SV2C: variants seen among roughly 807,000 people sequenced by gnomAD.
The protein encoded by SV2C is solute carrier family 22 member B3.
Under a neutral mutation model 79.7 loss-of-function variants are expected in SV2C, and 49 were observed. That is an observed-to-expected ratio of 0.61 (90% CI 0.49 to 0.78). The LOEUF (loss-of-function observed/expected upper bound fraction) is 0.78, where lower values mean the gene tolerates loss of function less well. Ranked by LOEUF, SV2C falls within the 30% of genes least tolerant of loss-of-function variation. The pLI is 0.00. For synonymous variants in SV2C, 334 were observed against 333.2 expected, an observed-to-expected ratio of 1.00 and a Z score of -0.03; for missense variants, 833 against 912.9, an observed-to-expected ratio of 0.91 and a Z score of 1.13.
chr5:76,269,848 C>G (rs1214346287), intron 4 of SV2C, among the ~76,000 whole-genome samples: 1 of 152,164 alleles, frequency 6.6e-6, no homozygotes, highest in Non-Finnish European at 1.5e-5. Context: ...CTGCATTAGT[C>G]CCAGACTCAG....
At chr5:76,296,122 A>T (rs1561303361) in intron 9 of SV2C, 180 bp downstream of exon 9, 2 of 474,532 alleles carry the variant, frequency 4.2e-6, no homozygotes, top group South Asian at 4.2e-5. Flanking sequence ...GTACAAATGT[A>T]TCCATTACTT....
chr5:76,077,590 T>A, the SV2C span, among the ~76,000 whole-genome samples: 1 of 152,094 alleles, frequency 6.6e-6, no homozygotes, highest in South Asian at 2.1e-4. Flanking sequence ...TCCACAATTT[T>A]GGAAAGGAAA....
At chr5:76,247,503 A>G (rs942651765) in intron 4 of SV2C, among the ~76,000 whole-genome samples, 6 of 152,078 alleles carry the variant, frequency 3.9e-5, no homozygotes, top group African/African-American at 1.2e-4. Flanking sequence ...AGTACAGCTT[A>G]TTTTCTCCTG....
At position 76,285,223 on chromosome 5, in the gene SV2C, C is replaced by T. The variant is rs372039791; in HGVS notation, c.975C>T (p.Val325=). The T allele has an allele frequency of 2.5e-5, 40 of 1,614,086 alleles. No homozygotes were observed. Among genetic ancestry groups the T allele is most frequent in the Non-Finnish European group, 3.0e-5 (35 of 1,180,032 alleles). The change falls in exon 5 of 13, where the codon GTC becomes GTT. Residue 325 remains valine, a synonymous_variant. Transcript: ENST00000502798. ...ACAGTTGGCGTGTGTTTGTCATCGT[C>T]TGTGCACTCCCCTGTGTCTCCTCCG... The part of the protein sequence containing the change: ...QFHSWRVFVI[V]CALPCVSSVV...
chr5:75,941,337 C>T, the SV2C span, among the ~76,000 whole-genome samples: 5 of 152,152 alleles, frequency 3.3e-5, no homozygotes, highest in African/African-American at 1.2e-4. Flanking sequence ...TCTACAACTT[C>T]TAAAACAGAT....
At chr5:76,087,634 G>T (rs762182433) in intron 1 of SV2C, among the ~76,000 whole-genome samples, 1 of 152,196 alleles carries the variant, frequency 6.6e-6, no homozygotes, top group South Asian at 2.1e-4. Context: ...TCCAGAATGT[G>T]CTGTTTATCA....
the SV2C span, among the ~76,000 whole-genome samples, chr5:76,000,502 T>C: frequency 7.1e-4 from 108 of 152,296 alleles, 1 homozygote; most frequent in African/African-American, 2.5e-3. Context: ...GACCCAGGAA[T>C]CTGAATTTTA....
intron 12 of SV2C, among the ~76,000 whole-genome samples, chr5:76,339,338 A>C (rs539518936): frequency 1.1e-4 from 16 of 152,344 alleles, no homozygotes; most frequent in East Asian, 3.9e-4. Context: ...ATATGGCAAC[A>C]GTTTTGTGAT....
At chr5:76,198,881 A>G (rs1744348790) in intron 3 of SV2C, among the ~76,000 whole-genome samples, 1 of 152,188 alleles carries the variant, frequency 6.6e-6, no homozygotes, top group Admixed American at 6.5e-5. Context: ...TTTCATGGAT[A>G]TAGCTGAGCC....
At chr5:75,994,619 G>T in the SV2C span, among the ~76,000 whole-genome samples, 2 of 152,060 alleles carry the variant, frequency 1.3e-5, no homozygotes, top group African/African-American at 4.8e-5. Flanking sequence ...GGAATATTTA[G>T]TATCAATAAA....
At chr5:76,253,351 G>T (rs1746169287) in intron 4 of SV2C, among the ~76,000 whole-genome samples, 1 of 152,058 alleles carries the variant, frequency 6.6e-6, no homozygotes, top group South Asian at 2.1e-4. Context: ...GAGTGCAGTG[G>T]CATGATCTTG....
At chr5:76,278,907 G>A (rs917448203) in intron 4 of SV2C, among the ~76,000 whole-genome samples, 2 of 152,206 alleles carry the variant, frequency 1.3e-5, no homozygotes, top group African/African-American at 4.8e-5. Context: ...AGAGTGACAG[G>A]GAGACCAAAC....
the SV2C span, chr5:75,910,572 G>T: frequency 1.4e-5 from 10 of 691,832 alleles, no homozygotes; most frequent in Non-Finnish European, 2.4e-5. Flanking sequence ...ACCCAGTTCA[G>T]TGAGATTGAG....
At chr5:76,312,413 CAG>C (rs2112546027) in intron 12 of SV2C, among the ~76,000 whole-genome samples, 1 of 152,300 alleles carries the variant, frequency 6.6e-6, no homozygotes, top group East Asian at 1.9e-4. Context: ...CCACCACTCC[CAG>C]CTAATTTTTG....
At chr5:76,255,783 G>A (rs544093171) in intron 4 of SV2C, among the ~76,000 whole-genome samples, 1 of 152,224 alleles carries the variant, frequency 6.6e-6, no homozygotes, top group Admixed American at 6.5e-5. Context: ...TGGGCCACTG[G>A]AGGAGGGACT....
chr5:75,873,793 T>C, the SV2C span, among the ~76,000 whole-genome samples: 1 of 152,008 alleles, frequency 6.6e-6, no homozygotes, highest in Non-Finnish European at 1.5e-5. Flanking sequence ...TGTATGCACA[T>C]AAACTAGAAG....
At chr5:76,156,016 T>A (rs577510365) in intron 2 of SV2C, among the ~76,000 whole-genome samples, 1 of 149,458 alleles carries the variant, frequency 6.7e-6, no homozygotes, top group Non-Finnish European at 1.5e-5. Context: ...GGTAGATTCA[T>A]TGGAGATATA....
intron 2 of SV2C, among the ~76,000 whole-genome samples, chr5:76,166,985 T>G (rs1342055895): frequency 6.6e-6 from 1 of 152,156 alleles, no homozygotes; most frequent in Non-Finnish European, 1.5e-5. Flanking sequence ...TTAAAGGAAG[T>G]CAAGCCATTC....
chr5:76,184,385 A>G (rs1400488050), intron 2 of SV2C, among the ~76,000 whole-genome samples: 2 of 152,200 alleles, frequency 1.3e-5, no homozygotes, highest in African/African-American at 2.4e-5. Context: ...GGAATTAATG[A>G]TCACCTGCTT....
Sources: allele counts gnomAD v4.1 joint callset (sites outside exome capture counted in the v4.1 genomes callset), GRCh38; gene constraint gnomAD v4.1.1; transcripts MANE v1.5; gene names NCBI Gene and HGNC (gene_info 2026-07-23, HGNC 2026-07-21).